The following ZNF761 variants were observed in gnomAD, a reference collection of about 807,000 sequenced individuals.
ZNF761 encodes the protein zinc finger protein 761.
Under a neutral mutation model 59.9 loss-of-function variants are expected in ZNF761, and 43 were observed. That is an observed-to-expected ratio of 0.72 (90% CI 0.56 to 0.92). The LOEUF is 0.92. Among genes scored for constraint, ZNF761 ranks in the 40% least tolerant of loss-of-function variants. The pLI, the probability that ZNF761 is intolerant of heterozygous loss-of-function variation, is 0.00. For synonymous variants in ZNF761, 294 were observed against 304.8 expected, an observed-to-expected ratio of 0.96 and a Z score of 0.37; for missense variants, 850 against 906.1, an observed-to-expected ratio of 0.94 and a Z score of 0.79.
At chr19:53,438,163 T>A (rs1373307115) in intron 1 of ZNF761, among the ~76,000 whole-genome samples, 2 of 139,006 alleles carry the variant, frequency 1.4e-5, no homozygotes, top group Non-Finnish European at 3.1e-5. Flanking sequence ...GTTCTAAAGT[T>A]GTGTAAGGGT....
chr19:53,438,197 C>T (rs10421483), intron 1 of ZNF761, among the ~76,000 whole-genome samples: 105,596 of 144,750 alleles, frequency 0.73, 39,171 homozygotes, highest in Non-Finnish European at 0.78. Context: ...CCCTTGGTAC[C>T]AAGTCATCCT....
At chr19:53,438,939 G>C (rs11882280) in intron 1 of ZNF761, among the ~76,000 whole-genome samples, 7,763 of 152,274 alleles carry the variant, frequency 0.051, 279 homozygotes, top group African/African-American at 0.1. Context: ...TTACTTGGCA[G>C]GGTATAGGCC....
At chr19:53,433,461 C>CAGCCTTATCTTGTAACTGTTCTCT (rs1482125258) in intron 1 of ZNF761, among the ~76,000 whole-genome samples, 1 of 143,490 alleles carries the variant, frequency 7.0e-6, no homozygotes, top group Non-Finnish European at 1.5e-5. Context: ...TCGACTTCGC[C>CAGCCTTATCTTGTAACTGTTCTCT]AAGTCGAGCT....
In ZNF761 at chr19:53,456,441, T is replaced by C. The variant is rs1317539841; in HGVS notation, c.1934T>C (p.Val645Ala). Residue 645 changes from valine to alanine, a missense_variant, in exon 5 of 5, where the codon GTG (valine) becomes GCG (alanine). By Grantham distance (64) the Val-to-Ala change is moderately conservative. Coordinates refer to ENST00000684525, the MANE Select transcript of ZNF761 (RefSeq NM_001289951.2). ...GAAGAATGTGACAAAGCTTTCCGTG[T>C]GAAATCAAACCTTGAAGGACATAGG... Reference protein sequence around the residue: ...KCEECDKAFRVKSNLEGHRRI... With the variant: ...KCEECDKAFRAKSNLEGHRRI... 3 of 1,612,316 alleles carry C rather than the reference T, an allele frequency of 1.9e-6. No individual in the cohort carries two copies. The African/African-American group carries it at 4.0e-5, about 22-fold the overall frequency.
Position 53,456,311 on chromosome 19 carries a change from G to A in ZNF761, c.1804G>A (p.Glu602Lys). The change falls in exon 5 of 5, where the codon GAA becomes AAA. Residue 602 changes from glutamate (E) to lysine (K), a missense_variant. By Grantham distance (56) the Glu-to-Lys change is moderately conservative. Coordinates refer to ENST00000684525, the MANE Select transcript of ZNF761 (RefSeq NM_001289951.2). Reference sequence around the variant, plus strand: ...TGAAATACATCAGAAAATTCATACTGAAGAGAATCCTTACAAGTGTAATGA... The same window carrying A: ...TGAAATACATCAGAAAATTCATACTAAAGAGAATCCTTACAAGTGTAATGA... ...NLEIHQKIHTEENPYKCNECG... is the reference protein window; with the variant it reads ...NLEIHQKIHTKENPYKCNECG... The A allele has an allele frequency of 6.2e-7, 1 of 1,611,004 alleles. No homozygotes were observed. Among genetic ancestry groups the A allele is most frequent in the South Asian group, 1.1e-5 (1 of 90,882 alleles).
At chr19:53,449,292 T>C (rs2086193520) in intron 3 of ZNF761, among the ~76,000 whole-genome samples, 1 of 151,696 alleles carries the variant, frequency 6.6e-6, no homozygotes, top group South Asian at 2.1e-4. Context: ...ACAGCACCAG[T>C]GCACTCCAGC....
rs368157010 is a variant in ZNF761 at position 53,435,289 on chromosome 19, C to CTTTT, written c.-185+3290_-185+3293dup. On this transcript the variant is annotated intron_variant, in intron 1 of 4. Coordinates refer to ENST00000684525, the MANE Select transcript of ZNF761 (RefSeq NM_001289951.2). ...GGTCGTCTGGCTATAAATACAAGTC[C>CTTTT]TTTTTTTTTTTTTTTTTTTTTTTTT... Among the ~76,000 whole-genome samples the CTTTT allele has an allele frequency of 3.8e-3, 203 of 53,614 alleles. 33 individuals are homozygous for CTTTT. The highest frequency in any genetic ancestry group is 4.6e-3 in the Non-Finnish European group (138 of 29,790). The allele number at this position is 53,614 out of a possible 152,430, so 35.2% of individuals were successfully genotyped here.
At chr19:53,452,762 A>C (rs2086232453) in intron 4 of ZNF761, among the ~76,000 whole-genome samples, 1 of 152,160 alleles carries the variant, frequency 6.6e-6, no homozygotes, top group Non-Finnish European at 1.5e-5. Context: ...CGAGCTCTTT[A>C]ATATCTCTTT....
At chr19:53,435,832 CACA>C (rs1349210664) in intron 1 of ZNF761, among the ~76,000 whole-genome samples, 1 of 151,992 alleles carries the variant, frequency 6.6e-6, no homozygotes, top group Non-Finnish European at 1.5e-5. Context: ...GGAGGTTGAG[CACA>C]ACGACAGAAC....
chr19:53,447,654 T>C (rs2086175322), intron 3 of ZNF761, among the ~76,000 whole-genome samples: 1 of 152,188 alleles, frequency 6.6e-6, no homozygotes, highest in Non-Finnish European at 1.5e-5. Flanking sequence ...AAGTCATGTA[T>C]TCATGTGCAC....
chr19:53,449,439 C>G (rs2086195509), intron 3 of ZNF761, 73 bp from the exon 4 acceptor site: 1 of 1,600,374 alleles, frequency 6.2e-7, no homozygotes, highest in Non-Finnish European at 8.5e-7. Context: ...GCCTTCACCT[C>G]TCTTCTTCTC....
chr19:53,439,194 C>T (rs2086072993), intron 1 of ZNF761, among the ~76,000 whole-genome samples: 1 of 149,164 alleles, frequency 6.7e-6, no homozygotes, highest in Non-Finnish European at 1.5e-5. Context: ...TTGCTTGAAC[C>T]GAGGGGGCAG....
At position 53,456,887 on chromosome 19, in the gene ZNF761, A is replaced by C. The variant is rs1212308465; in HGVS notation, c.*139A>C. 1.0e-6 allele frequency: 1 copy of C among 983,738 alleles called. No homozygotes were observed. Among genetic ancestry groups the C allele is most frequent in the East Asian group, 2.5e-5 (1 of 40,694 alleles). The allele number at this position is 983,738 out of a possible 1,614,324, so 60.9% of individuals were successfully genotyped here. A position where few individuals can be genotyped will look rare whatever the true frequency, so the allele number is the denominator to read the frequency against. ...CAAGCCTCAGAAGACAGGAGAATTC[A>C]TACTGGAGAGAAAGCTTATAAATGT... On this transcript the variant is annotated 3_prime_UTR_variant, in exon 5 of 5. Coordinates refer to ENST00000684525, the MANE Select transcript of ZNF761 (RefSeq NM_001289951.2).
At chr19:53,438,446 A>G (rs1242698209) in intron 1 of ZNF761, among the ~76,000 whole-genome samples, 1 of 152,150 alleles carries the variant, frequency 6.6e-6, no homozygotes, top group Admixed American at 6.5e-5. Context: ...CCCTATAGTC[A>G]TTGTTTTTTG....
At position 53,454,965 on chromosome 19, in the gene ZNF761, T is replaced by C; in HGVS notation, c.458T>C (p.Ile153Thr). The change falls in exon 5 of 5, where the codon ATA becomes ACA. Residue 153 changes from isoleucine (I) to threonine (T), a missense_variant. Ile to Thr is a moderately conservative substitution (Grantham distance 89). Transcript: ENST00000684525. ...CATTCGCATCTGCCTGAAATGCACA[T>C]ATTTCAGACCGAAGAGAAAATTGAT... is the stretch of plus-strand genomic sequence containing the variant. Reference protein sequence around the residue: ...SFHSHLPEMHIFQTEEKIDNQ... With the variant: ...SFHSHLPEMHTFQTEEKIDNQ... The C allele has an allele frequency of 1.2e-6, 2 of 1,614,144 alleles. No homozygotes were observed. Among genetic ancestry groups the C allele is most frequent in the Non-Finnish European group, 1.7e-6 (2 of 1,180,024 alleles).
At chr19:53,447,917 A>G (rs1298339736) in intron 3 of ZNF761, among the ~76,000 whole-genome samples, 3 of 152,190 alleles carry the variant, frequency 2.0e-5, no homozygotes, top group Non-Finnish European at 4.4e-5. Context: ...CATTACGCTC[A>G]TGGAGACTGT....
At chr19:53,453,388 T>C (rs2147141591) in intron 4 of ZNF761, among the ~76,000 whole-genome samples, 1 of 152,346 alleles carries the variant, frequency 6.6e-6, no homozygotes, top group South Asian at 2.1e-4. Context: ...TTTTATATTG[T>C]GTGCTGGTTG....
At chr19:53,435,708 G>A (rs1312370440) in intron 1 of ZNF761, among the ~76,000 whole-genome samples, 3 of 151,914 alleles carry the variant, frequency 2.0e-5, no homozygotes, top group Admixed American at 6.6e-5. Flanking sequence ...GTGTACAGTG[G>A]GGACACATTT....
chr19:53,432,093 A>G (rs898134667), intron 1 of ZNF761, 65 bp downstream of exon 1: 5 of 152,246 alleles, frequency 3.3e-5, no homozygotes, highest in African/African-American at 9.7e-5. Context: ...TGTACCTGGG[A>G]CTTGGGATCC....
Sources: gnomAD v4.1 joint callset for allele counts (sites outside exome capture counted in the v4.1 genomes callset) on GRCh38, gnomAD v4.1.1 for gene constraint, MANE v1.5 for transcripts, NCBI Gene and HGNC (gene_info 2026-07-23, HGNC 2026-07-21) for gene names.